MAP4: variants seen among roughly 807,000 people sequenced by gnomAD.
The protein encoded by MAP4 is microtubule associated protein 4.
Under a neutral mutation model 170.2 loss-of-function variants are expected in MAP4, and 76 were observed. The observed-to-expected ratio is 0.45, with a 90% CI of 0.37 to 0.54. The LOEUF (loss-of-function observed/expected upper bound fraction) is 0.54. Ranked by LOEUF, MAP4 falls within the 20% of genes least tolerant of loss-of-function variation. MAP4 has a pLI of 0.00. For synonymous variants in MAP4, 909 were observed against 994.5 expected, an observed-to-expected ratio of 0.91 and a Z score of 1.62; for missense variants, 2,506 against 2,748.0, an observed-to-expected ratio of 0.91 and a Z score of 1.97.
At chr3:48,036,060 T>A (rs1479094745) in intron 1 of MAP4, among the ~76,000 whole-genome samples, 3 of 152,180 alleles carry the variant, frequency 2.0e-5, no homozygotes, top group African/African-American at 4.8e-5. Flanking sequence ...TAACCCCATT[T>A]AAAATGAGGA....
At chr3:47,921,675 G>A in intron 5 of MAP4, 90 bp downstream of exon 5, 2 of 693,896 alleles carry the variant, frequency 2.9e-6, no homozygotes, top group Non-Finnish European at 5.2e-6. Flanking sequence ...TTAATCTTTT[G>A]TCACAGAGCC....
At chr3:47,942,643 CAT>C (rs771150189) in intron 3 of MAP4, among the ~76,000 whole-genome samples, 7 of 152,222 alleles carry the variant, frequency 4.6e-5, no homozygotes, top group South Asian at 2.1e-4. Flanking sequence ...GTAAGTAACA[CAT>C]GTGAGAACAT....
intron 3 of MAP4, chr3:47,974,615 T>G: frequency 1.0e-6 from 1 of 957,824 alleles, no homozygotes. Context: ...CCATGTTTTA[T>G]GTTATATTTC....
intron 10 of MAP4, chr3:47,890,918 G>A: frequency 1.1e-6 from 1 of 914,416 alleles, no homozygotes; most frequent in South Asian, 1.9e-5. Context: ...GGCAGTCACA[G>A]AACCCAGCTG....
chr3:48,060,639 C>T (rs1165901417), intron 1 of MAP4, among the ~76,000 whole-genome samples: 1 of 151,778 alleles, frequency 6.6e-6, no homozygotes, highest in African/African-American at 2.4e-5. Flanking sequence ...AGAGGCCAGG[C>T]GCAGTGGCTC....
chr3:47,860,764 T>C (rs1437096748), intron 17 of MAP4, among the ~76,000 whole-genome samples: 1 of 152,210 alleles, frequency 6.6e-6, no homozygotes, highest in Non-Finnish European at 1.5e-5. Flanking sequence ...CCTCATTACC[T>C]ACTTACATGT....
At chr3:47,974,764 C>CA (rs879174953) in intron 3 of MAP4, 54,507 of 662,702 alleles carry the variant, frequency 0.082, no homozygotes, top group Non-Finnish European at 0.091. Flanking sequence ...AGTCCGTCTC[C>CA]AAAAAAAAAA....
At chr3:48,053,624 C>CT (rs1415386868) in intron 1 of MAP4, among the ~76,000 whole-genome samples, 1 of 152,132 alleles carries the variant, frequency 6.6e-6, no homozygotes, top group Non-Finnish European at 1.5e-5. Context: ...ACTTCTAACT[C>CT]TCTCTAGTAT....
chr3:47,940,209 C>T (rs551918317), intron 3 of MAP4, among the ~76,000 whole-genome samples: 1 of 152,252 alleles, frequency 6.6e-6, no homozygotes, highest in Admixed American at 6.5e-5. Context: ...CCTGGAGCAG[C>T]TATCTCAACA....
At chr3:48,009,967 T>C (rs984177936) in intron 1 of MAP4, among the ~76,000 whole-genome samples, 1 of 152,172 alleles carries the variant, frequency 6.6e-6, no homozygotes, top group Non-Finnish European at 1.5e-5. Flanking sequence ...AGTTACAGTG[T>C]TGGCTAAGGT....
At chr3:48,034,857 A>G (rs1469752692) in intron 1 of MAP4, among the ~76,000 whole-genome samples, 1 of 151,378 alleles carries the variant, frequency 6.6e-6, no homozygotes. Context: ...TACAAAATAT[A>G]CAAAAATTAG....
chr3:48,042,104 T>G (rs946321958), intron 1 of MAP4, among the ~76,000 whole-genome samples: 3 of 152,228 alleles, frequency 2.0e-5, no homozygotes, highest in Non-Finnish European at 4.4e-5. Context: ...GTTAAGCCCA[T>G]GGCTATAAAT....
At chr3:48,043,116 T>A (rs566457261) in intron 1 of MAP4, among the ~76,000 whole-genome samples, 6 of 152,228 alleles carry the variant, frequency 3.9e-5, no homozygotes, top group Admixed American at 6.6e-5. Context: ...TTATTTATTT[T>A]TTGTGATGGA....
intron 10 of MAP4, chr3:47,891,948 T>G: frequency 6.5e-7 from 1 of 1,536,178 alleles, no homozygotes; most frequent in South Asian, 1.2e-5. Context: ...TTCCAAACAC[T>G]GGTTTCCTGC....
intron 1 of MAP4, among the ~76,000 whole-genome samples, chr3:48,011,552 CAA>C (rs763200781): frequency 1.6e-4 from 17 of 109,110 alleles, no homozygotes; most frequent in African/African-American, 1.0e-4. Flanking sequence ...GACTCCGTCT[CAA>C]AAAAAAAAAA....
intron 3 of MAP4, among the ~76,000 whole-genome samples, chr3:47,960,064 AT>A (rs2154164840): frequency 6.6e-6 from 1 of 151,918 alleles, no homozygotes; most frequent in Non-Finnish European, 1.5e-5. Context: ...GGGTTTCATC[AT>A]GTTGGCCGGG....
At chr3:47,969,531 T>C (rs1176990193) in intron 3 of MAP4, among the ~76,000 whole-genome samples, 3 of 152,216 alleles carry the variant, frequency 2.0e-5, no homozygotes, top group African/African-American at 7.2e-5. Flanking sequence ...ACAAATCTTA[T>C]GTTAAGAGAA....
chr3:47,882,359 T>C (rs140666899), intron 10 of MAP4, among the ~76,000 whole-genome samples: 4 of 152,336 alleles, frequency 2.6e-5, no homozygotes, highest in African/African-American at 7.2e-5. Flanking sequence ...TATTTTTTAT[T>C]TGTTCTCTCT....
Position 47,911,819 on chromosome 3 carries a change from CA to C in MAP4, c.2601del (p.Ala868GlnfsTer2). 1 of 1,536,078 alleles carries C rather than the reference CA, an allele frequency of 6.5e-7. No homozygotes were observed. The highest frequency in any genetic ancestry group is 2.4e-5 in the East Asian group (1 of 40,916). On this transcript the variant is annotated frameshift_variant, in exon 9 of 21. Coordinates refer to ENST00000683076, the MANE Select transcript of MAP4 (RefSeq NM_001385682.1). LOFTEE classifies it high-confidence loss of function. This position sits in a 1 kb window ranked among gnomAD's most constrained non-coding sequence, Gnocchi z 4.0. ...CTCAGCTTAGACTGAGAACTTATTGCAGTTTTGGGGGCTTCTTCAGAAGGAT... is the reference window on the plus strand; with the variant it reads ...CTCAGCTTAGACTGAGAACTTATTGCGTTTTGGGGGCTTCTTCAGAAGGAT... The part of the protein sequence containing the change: ...PLYPSEEAPK[T>X]AISSQSKLRV...
Sources: gnomAD v4.1 joint callset for allele counts (sites outside exome capture counted in the v4.1 genomes callset) on GRCh38, gnomAD v4.1.1 for gene constraint, Gnocchi (gnomAD v3.1) non-coding constraint, MANE v1.5 for transcripts, NCBI Gene and HGNC (gene_info 2026-07-23, HGNC 2026-07-21) for gene names.